MCM3: variants seen among roughly 807,000 people sequenced by gnomAD.
MCM3 encodes minichromosome maintenance complex component 3, also known as DNA replication licensing factor MCM3.
In MCM3, 59 loss-of-function variants were observed where a neutral mutation model predicts 91.3. That is an observed-to-expected ratio of 0.65 (90% CI 0.52 to 0.80). The LOEUF is 0.80. Among genes scored for constraint, MCM3 ranks in the 30% least tolerant of loss-of-function variants. The pLI, the probability that MCM3 is intolerant of heterozygous loss-of-function variation, is 0.00. For missense variants in MCM3, 919 were observed against 1,035.4 expected, an observed-to-expected ratio of 0.89 and a Z score of 1.54; for synonymous variants, 383 against 379.6, an observed-to-expected ratio of 1.01 and a Z score of -0.10.
intron 3 of MCM3, 110 bp from the exon 4 acceptor site, chr6:52,282,285 T>A: frequency 1.1e-6 from 1 of 929,782 alleles, no homozygotes; most frequent in African/African-American, 1.7e-5. Context: ...TTTTTTTGAC[T>A]AGGTTACGAT....
chr6:52,264,881 T>A, intron 16 of MCM3, 95 bp from the exon 17 acceptor site: 2 of 994,704 alleles, frequency 2.0e-6, no homozygotes, highest in Non-Finnish European at 3.1e-6. Context: ...ATTAATACAG[T>A]AGAGGCGTCC....
chr6:52,273,425 T>A, intron 10 of MCM3, 69 bp from the exon 11 acceptor site: 1 of 1,530,206 alleles, frequency 6.5e-7, no homozygotes. Flanking sequence ...GCTTCTTCTA[T>A]AGCACAAGAA....
Position 52,273,680 on chromosome 6 carries a change from G to A in MCM3, c.1549+62C>T, listed in dbSNP as rs975886609. Reference sequence around the variant, plus strand: ...ACCTACCACCACCTGGGTTGGGCCTGAGAAACTACCATCTGTTTAGCGCCT... The same window carrying A: ...ACCTACCACCACCTGGGTTGGGCCTAAGAAACTACCATCTGTTTAGCGCCT... On this transcript the variant is annotated intron_variant, in intron 10 of 16. Coordinates refer to ENST00000596288, the MANE Select transcript of MCM3 (RefSeq NM_002388.6). 9 of 1,524,694 alleles carry A rather than the reference G, an allele frequency of 5.9e-6. No individual in the cohort carries two copies. The African/African-American group carries it at 8.2e-5, about 14-fold the overall frequency. The allele number at this position is 1,524,694 out of a possible 1,614,324, so 94.4% of individuals were successfully genotyped here.
intron 14 of MCM3, among the ~76,000 whole-genome samples, chr6:52,267,096 C>CCTTTTTTTTT (rs1764698234): frequency 9.0e-6 from 1 of 111,572 alleles, no homozygotes; most frequent in Non-Finnish European, 1.8e-5. Context: ...AGGGTATCTT[C>CCTTTTTTTTT]TTTTTTTTTT....
In MCM3 at chr6:52,282,644, C is replaced by A. The variant is rs1389536526; in HGVS notation, c.400+9G>T. ...TCATTTCCTAAGCGGCCCCCTTTAA[C>A]CCACTTACATTTAGTGACAATGCCC... is the stretch of plus-strand genomic sequence containing the variant. On this transcript the variant is annotated intron_variant, in intron 3 of 16. Coordinates refer to ENST00000596288, the MANE Select transcript of MCM3 (RefSeq NM_002388.6). The A allele has an allele frequency of 3.7e-6, 6 of 1,612,248 alleles. No homozygotes were observed. The highest frequency in any genetic ancestry group is 5.1e-6 in the Non-Finnish European group (6 of 1,179,718).
chr6:52,273,136 G>C (rs1765269038), intron 11 of MCM3, 94 bp downstream of exon 11: 2 of 1,457,152 alleles, frequency 1.4e-6, no homozygotes, highest in Admixed American at 3.4e-5. Flanking sequence ...CTTTGACCTG[G>C]GCATATAAGG....
At chr6:52,279,273 C>T in intron 5 of MCM3, 88 bp downstream of exon 5, 1 of 1,155,770 alleles carries the variant, frequency 8.7e-7, no homozygotes, top group Non-Finnish European at 1.3e-6. Flanking sequence ...AGATATAACT[C>T]TCTGGAATAT....
rs746282185 is a variant in MCM3, at chr6:52,264,738, A to G, written c.2277T>C (p.His759=). The G allele has an allele frequency of 7.4e-6, 12 of 1,614,066 alleles. No individual in the cohort carries two copies. The Admixed American group carries it at 8.3e-5, about 11-fold the overall frequency. Residue 759 remains histidine, a synonymous_variant, in exon 17 of 17, where the codon CAT becomes CAC. Coordinates refer to ENST00000596288, the MANE Select transcript of MCM3 (RefSeq NM_002388.6). Reference sequence around the variant, plus strand: ...GGCGATTCATGCCGATTGACTGCGCATGAGCTTCCCGGAACACATCCAAGA... The same window carrying G: ...GGCGATTCATGCCGATTGACTGCGCGTGAGCTTCCCGGAACACATCCAAGA... ...VALLDVFREA[H]AQSIGMNRLT...
In MCM3 at chr6:52,273,917, C is replaced by T; in HGVS notation, c.1375-1G>A. 1 of 1,605,596 alleles carries T rather than the reference C, an allele frequency of 6.2e-7. No individual in the cohort carries two copies. Among genetic ancestry groups the T allele is most frequent in the Admixed American group, 1.7e-5 (1 of 59,068 alleles). On this transcript the variant is annotated splice_acceptor_variant, in intron 9 of 16. Transcript: ENST00000596288. LOFTEE classifies it high-confidence loss of function. ...CCATTGGAGTCTTATACTGGTCATA[C>T]TGGGGAATGCGAGGACAACAGAAGT...
intron 16 of MCM3, chr6:52,265,341 C>T (rs1016652613): frequency 1.2e-5 from 5 of 409,638 alleles, no homozygotes; most frequent in Non-Finnish European, 2.4e-5. Flanking sequence ...CTGCTTGAGG[C>T]CAGGAGTCCA....
chr6:52,283,222 G>T, intron 2 of MCM3, 72 bp downstream of exon 2: 2 of 1,217,394 alleles, frequency 1.6e-6, no homozygotes, highest in Non-Finnish European at 2.4e-6. Flanking sequence ...TCTCCTGAGA[G>T]GCTGTTCCAA....
intron 5 of MCM3, 49 bp from the exon 6 acceptor site, chr6:52,278,899 A>G: frequency 3.0e-6 from 4 of 1,333,822 alleles, no homozygotes; most frequent in Non-Finnish European, 4.3e-6. Context: ...AATTCCTAAC[A>G]TCAGTAGCTA....
chr6:52,268,277 T>A (rs1408604878), intron 13 of MCM3, among the ~76,000 whole-genome samples: 1 of 152,096 alleles, frequency 6.6e-6, no homozygotes, highest in Non-Finnish European at 1.5e-5. Context: ...TCCTTATAAA[T>A]CAGGTGTCTA....
chr6:52,264,303 G>C lies in MCM3; in HGVS notation c.*285C>G. The C allele has an allele frequency of 2.6e-6, 1 of 388,010 alleles. No homozygotes were observed. Among genetic ancestry groups the C allele is most frequent in the South Asian group, 2.8e-5 (1 of 35,730 alleles). 24.0% of individuals were successfully genotyped at this position (388,010 alleles called of 1,614,324 possible). On this transcript the variant is annotated 3_prime_UTR_variant, in exon 17 of 17. Transcript: ENST00000596288. ...TCATATGTTATTTACAATTGGGTTT[G>C]TGTGGGATGGGAAGTAGGGCGGATG...
At chr6:52,265,939 T>C (rs1764610462) in intron 16 of MCM3, 136 bp downstream of exon 16, 2 of 603,770 alleles carry the variant, frequency 3.3e-6, no homozygotes, top group Non-Finnish European at 5.8e-6. Context: ...ATATAAAATG[T>C]TAAAAGCTGC....
chr6:52,279,516 C>T lies in MCM3; in HGVS notation c.615G>A (p.Pro205=), dbSNP rs766640213. 12 of 1,614,026 alleles carry T rather than the reference C, an allele frequency of 7.4e-6. No homozygotes were observed. In the Admixed American group the frequency reaches 8.3e-5, roughly 11 times the overall value. ...GGAGCTGGCCGGCTGGGGCCTTCTC[C>T]GGCATCTCCTGGATGGTGATGGTCT... ...DHQTITIQEM[P]EKAPAGQLPR... Residue 205 remains proline (P), a synonymous_variant, in exon 5 of 17, where the codon CCG becomes CCA. Coordinates refer to ENST00000596288, the MANE Select transcript of MCM3 (RefSeq NM_002388.6).
intron 8 of MCM3, 53 bp from the exon 9 acceptor site, chr6:52,276,529 GA>G (rs1765582677): frequency 7.1e-7 from 1 of 1,417,728 alleles, no homozygotes; most frequent in African/African-American, 1.4e-5. Flanking sequence ...ATAGGGGCCA[GA>G]AGGGAAGGAT....
chr6:52,279,727 C>T (rs1320701614), intron 4 of MCM3, 128 bp from the exon 5 acceptor site: 1 of 694,350 alleles, frequency 1.4e-6, no homozygotes, highest in African/African-American at 1.8e-5. Context: ...AGCCAAGTAC[C>T]TTCTCTAGCT....
In MCM3 at chr6:52,276,361, C is replaced by A; in HGVS notation, c.1281G>T (p.Glu427Asp). Residue 427 changes from glutamate to aspartate, a missense_variant, in exon 9 of 17, where the codon GAG (glutamate) becomes GAT (aspartate). Physicochemically the swap from Glu to Asp is conservative, Grantham distance 45. Around this residue, in one of 3 missense-constraint regions of MCM3, gnomAD observed 233 missense variants for 321.2 expected, o/e 0.73. Transcript: ENST00000596288. ...MDRTAIHEVM[E>D]QGRVTIAKAG... is the part of the protein sequence containing the mutation. Reference sequence around the variant, plus strand: ...CCTTGGCAATGGTCACTCGACCCTGCTCCATCACTTCATGGATGGCTGTGC... The same window carrying A: ...CCTTGGCAATGGTCACTCGACCCTGATCCATCACTTCATGGATGGCTGTGC... 6.2e-7 allele frequency: 1 copy of A among 1,614,110 alleles called. No individual in the cohort carries two copies. Among genetic ancestry groups the A allele is most frequent in the Non-Finnish European group, 8.5e-7 (1 of 1,180,024 alleles).
Sources: allele counts gnomAD v4.1 joint callset (sites outside exome capture counted in the v4.1 genomes callset), GRCh38; gene constraint gnomAD v4.1.1; regional missense constraint gnomAD v4.1.1; transcripts MANE v1.5; gene names NCBI Gene and HGNC (gene_info 2026-07-23, HGNC 2026-07-21).